The following ZNF428 variants were observed in gnomAD, a reference collection of about 807,000 sequenced individuals.
ZNF428 encodes enzyme-like protein PIT13.
ZNF428 carries 5 observed loss-of-function variants against 15.6 expected under a neutral mutation model. The ratio of observed to expected loss-of-function variants is 0.32; its 90% CI spans 0.17 to 0.67. The LOEUF (loss-of-function observed/expected upper bound fraction) is 0.67, where lower values mean the gene tolerates loss of function less well. ZNF428 is among the 30% of genes least tolerant of loss of function. The pLI is 0.73. For missense variants in ZNF428, 237 were observed against 256.0 expected (o/e 0.93, Z 0.51); for synonymous variants, 97 against 102.2 (o/e 0.95, Z 0.31).
At chr19:43,611,414 G>A (rs1278922147) in intron 2 of ZNF428, among the ~76,000 whole-genome samples, 1 of 151,972 alleles carries the variant, frequency 6.6e-6, no homozygotes. Context: ...CCGCCTCCAA[G>A]GTTCAAGCGA....
rs1260724091 is a variant in ZNF428, at chr19:43,612,531, G to T, written c.76+1698C>A. On this transcript the variant is annotated intron_variant, in intron 2 of 2. Coordinates refer to ENST00000300811, the MANE Select transcript of ZNF428 (RefSeq NM_182498.4). This position sits in a 1 kb window ranked among gnomAD's most constrained non-coding sequence, Gnocchi z 4.2. ...AGCCGCAGCTCCAAGAGGTCACCCA[G>T]CAGGGCCAGCACTCCTGGCAGGATA... is the stretch of plus-strand genomic sequence containing the variant. 9 of 1,551,336 alleles carry T rather than the reference G, an allele frequency of 5.8e-6. No homozygotes were observed. The South Asian group carries it at 9.5e-5, about 16-fold the overall frequency.
In ZNF428 at chr19:43,612,794, A is replaced by C; in HGVS notation, c.76+1435T>G. 3 of 1,551,636 alleles carry C rather than the reference A, an allele frequency of 1.9e-6. No individual in the cohort carries two copies. Among genetic ancestry groups the C allele is most frequent in the Non-Finnish European group, 2.6e-6 (3 of 1,146,964 alleles). The stretch of plus-strand genomic sequence containing the variant: ...AGCCAAGTGTCAAACCCCGACTGGA[A>C]TTCCCTCCAAGGAGAAGAGTGACAA... On this transcript the variant is annotated intron_variant, in intron 2 of 2. Coordinates refer to ENST00000300811, the MANE Select transcript of ZNF428 (RefSeq NM_182498.4). This position sits in a 1 kb window ranked among gnomAD's most constrained non-coding sequence, Gnocchi z 4.2.
Position 43,616,812 on chromosome 19 carries a change from CT to C in ZNF428, c.-130-2379del, listed in dbSNP as rs773874043. Reference sequence around the variant, plus strand: ...TGCTGTCAAGAATGTCCTCCTCCTCCTTTTTTTTTTTTTTTTTGAGATGGAG... The same window carrying C: ...TGCTGTCAAGAATGTCCTCCTCCTCCTTTTTTTTTTTTTTTTGAGATGGAG... On this transcript the variant is annotated intron_variant, in intron 1 of 2. Transcript: ENST00000300811. 3.4e-3 allele frequency among the ~76,000 whole-genome samples: 467 copies of C among 138,348 alleles called. 1 individual carries two copies. The highest frequency in any genetic ancestry group is 7.1e-3 in the African/African-American group (265 of 37,206). The allele number at this position is 138,348 out of a possible 152,430, so 90.8% of individuals were successfully genotyped here. A position where few individuals can be genotyped will look rare whatever the true frequency, so the allele number is the denominator to read the frequency against.
Position 43,612,364 on chromosome 19 carries a change from G to A in ZNF428, c.76+1865C>T. 1.3e-6 allele frequency: 2 copies of A among 1,551,642 alleles called. No individual in the cohort carries two copies. Among genetic ancestry groups the A allele is most frequent in the South Asian group, 1.2e-5 (1 of 84,052 alleles). ...CCCCTTCTAACCGGCCCAGCAGCAG[G>A]TCCCGAGTCCGCAGCAAAGCAAGAA... On this transcript the variant is annotated intron_variant, in intron 2 of 2. Coordinates refer to ENST00000300811, the MANE Select transcript of ZNF428 (RefSeq NM_182498.4). This position sits in a 1 kb window ranked among gnomAD's most constrained non-coding sequence, Gnocchi z 4.2.
At position 43,607,948 on chromosome 19, in the gene ZNF428, G is replaced by A. The variant is rs1973257540; in HGVS notation, c.236C>T (p.Ser79Phe). 6.3e-7 allele frequency: 1 copy of A among 1,589,176 alleles called. No homozygotes were observed. Among genetic ancestry groups the A allele is most frequent in the East Asian group, 2.3e-5 (1 of 43,674 alleles). The part of the protein sequence containing the change: ...QRLGGGRGGP[S>F]RRAPRAAQPP... ...CTGGGCTGCACGGGGGGCCCGGCGG[G>A]ATGGGCCACCACGGCCCCCGCCAAG... Residue 79 changes from serine (S) to phenylalanine (F), a missense_variant, in exon 3 of 3, where the codon TCC becomes TTC. By Grantham distance (155) the Ser-to-Phe change is radical. Coordinates refer to ENST00000300811, the MANE Select transcript of ZNF428 (RefSeq NM_182498.4). This position sits in a 1 kb window ranked among gnomAD's most constrained non-coding sequence, Gnocchi z 5.1.
chr19:43,614,604 CTT>C (rs397803343), intron 1 of ZNF428, 170 bp from the exon 2 acceptor site: 603 of 305,042 alleles, frequency 2.0e-3, no homozygotes, highest in South Asian at 3.5e-3. Context: ...CTCTCTAGGT[CTT>C]TTTTTTTTTT....
In ZNF428 at chr19:43,612,786, C is replaced by T. The variant is rs1049609045; in HGVS notation, c.76+1443G>A. ...CCCAGTACAGCCAAGTGTCAAACCC[C>T]GACTGGAATTCCCTCCAAGGAGAAG... On this transcript the variant is annotated intron_variant, in intron 2 of 2. Coordinates refer to ENST00000300811, the MANE Select transcript of ZNF428 (RefSeq NM_182498.4). The surrounding 1 kb of genome is among the most constrained non-coding windows in gnomAD (Gnocchi z 4.2). 10 of 1,551,602 alleles carry T rather than the reference C, an allele frequency of 6.4e-6. No individual in the cohort carries two copies. The highest frequency in any genetic ancestry group is 4.8e-5 in the South Asian group (4 of 84,058).
At chr19:43,613,607 G>T (rs777745369) in intron 2 of ZNF428, 7 of 1,548,704 alleles carry the variant, frequency 4.5e-6, no homozygotes, top group Admixed American at 3.9e-5. Flanking sequence ...CAAAGAGAGA[G>T]ATCACAGACG....
intron 2 of ZNF428, among the ~76,000 whole-genome samples, chr19:43,610,388 C>T (rs930773207): frequency 2.0e-5 from 3 of 151,722 alleles, no homozygotes; most frequent in South Asian, 2.1e-4. Flanking sequence ...TTAGTAGAGA[C>T]GGGGTTTCAC....
chr19:43,609,559 G>C (rs142254177), intron 2 of ZNF428, among the ~76,000 whole-genome samples: 1 of 152,028 alleles, frequency 6.6e-6, no homozygotes, highest in Admixed American at 6.6e-5. Flanking sequence ...GGGCAACATG[G>C]TGAAACCCCG....
At chr19:43,616,922 C>G (rs1177125962) in intron 1 of ZNF428, among the ~76,000 whole-genome samples, 1 of 151,422 alleles carries the variant, frequency 6.6e-6, no homozygotes, top group Non-Finnish European at 1.5e-5. Flanking sequence ...TCCCTAGTAG[C>G]TGGGATTACA....
rs143607966 is a variant in ZNF428 at position 43,613,226 on chromosome 19, A to G, written c.76+1003T>C. On this transcript the variant is annotated intron_variant, in intron 2 of 2. Transcript: ENST00000300811. ...CAAGGAAAGAAGTCATAGCCATTCC[A>G]GAAGCTCCAGCAAAGAGAGAGATCA... The G allele has an allele frequency of 3.0e-5, 47 of 1,551,664 alleles. No individual in the cohort carries two copies. The African/African-American group carries it at 5.2e-4, about 17-fold the overall frequency.
rs1973348774 is a variant in ZNF428, at chr19:43,614,248, ATCT to A, written c.54_56del (p.Glu18del). 3 of 1,613,944 alleles carry A rather than the reference ATCT, an allele frequency of 1.9e-6. No homozygotes were observed. The highest frequency in any genetic ancestry group is 1.7e-5 in the Admixed American group (1 of 59,978). On this transcript the variant is annotated inframe_deletion, in exon 2 of 3. Coordinates refer to ENST00000300811, the MANE Select transcript of ZNF428 (RefSeq NM_182498.4). ...CCTTACCTGGGGAAAGGTCTTCATC[ATCT>A]TCTTCCAAGCTGGCGTAGCCCCCAG... is the stretch of plus-strand genomic sequence containing the variant.
chr19:43,609,360 G>GAGAGAGAGAGAA (rs1973271992), intron 2 of ZNF428, among the ~76,000 whole-genome samples: 1 of 123,284 alleles, frequency 8.1e-6, no homozygotes, highest in South Asian at 2.3e-4. Flanking sequence ...TGTGGCCATG[G>GAGAGAGAGAGAA]AGAGAGAGAG....
intron 1 of ZNF428, among the ~76,000 whole-genome samples, chr19:43,618,022 C>A (rs1446679285): frequency 7.1e-5 from 10 of 140,196 alleles, no homozygotes; most frequent in Non-Finnish European, 1.1e-4. Context: ...CCACCATGCC[C>A]GGCTTTTTTT....
intron 1 of ZNF428, among the ~76,000 whole-genome samples, chr19:43,618,682 T>G (rs997957316): frequency 6.0e-5 from 9 of 150,868 alleles, no homozygotes; most frequent in African/African-American, 2.0e-4. Flanking sequence ...AGTATTGGTA[T>G]CACTGCAACT....
rs544986889 is a variant in ZNF428, at chr19:43,619,586, G to A, written c.-159C>T. 8 of 152,450 alleles carry A rather than the reference G, an allele frequency of 5.2e-5. No homozygotes were observed. Among genetic ancestry groups the A allele is most frequent in the African/African-American group, 1.9e-4 (8 of 41,576 alleles). The allele number at this position is 152,450 out of a possible 1,614,324, so 9.4% of individuals were successfully genotyped here. A position where few individuals can be genotyped will look rare whatever the true frequency, so the allele number is the denominator to read the frequency against. ...CGCCGGCGGCCCCCGCTCCGGCTCTGCGGCGGCGGCTGCACGCCCAGCCTC... is the reference window on the plus strand; with the variant it reads ...CGCCGGCGGCCCCCGCTCCGGCTCTACGGCGGCGGCTGCACGCCCAGCCTC... On this transcript the variant is annotated 5_prime_UTR_variant, in exon 1 of 3. Transcript: ENST00000300811.
intron 1 of ZNF428, among the ~76,000 whole-genome samples, chr19:43,615,615 A>G (rs944660058): frequency 6.6e-6 from 1 of 151,640 alleles, no homozygotes. Flanking sequence ...CTGAGGCAGG[A>G]GGATAAATTG....
rs1256026909 is a variant in ZNF428 at position 43,614,522 on chromosome 19, G to A, written c.-130-88C>T. 3.9e-5 allele frequency: 51 copies of A among 1,293,782 alleles called. 2 individuals are homozygous for A. In the South Asian group the frequency reaches 8.3e-4, roughly 21 times the overall value. The allele number at this position is 1,293,782 out of a possible 1,614,324, so 80.1% of individuals were successfully genotyped here. On this transcript the variant is annotated intron_variant, in intron 1 of 2. Transcript: ENST00000300811. ...CACCAAGCCCAACTGTGTGCTCACTGCTGGCATGGGGCACAGAGGACCCCA... is the reference window on the plus strand; with the variant it reads ...CACCAAGCCCAACTGTGTGCTCACTACTGGCATGGGGCACAGAGGACCCCA...
Sources: allele counts gnomAD v4.1 joint callset (sites outside exome capture counted in the v4.1 genomes callset), GRCh38; gene constraint gnomAD v4.1.1; non-coding constraint Gnocchi (gnomAD v3.1); transcripts MANE v1.5; gene names NCBI Gene and HGNC (gene_info 2026-07-23, HGNC 2026-07-21).